The following CFAP54 variants were observed in gnomAD, a reference collection of about 807,000 sequenced individuals.
The protein encoded by CFAP54 is cilia and flagella associated protein 54, also known as cilia- and flagella-associated protein 54.
Under a neutral mutation model 370.4 loss-of-function variants are expected in CFAP54, and 290 were observed. The observed-to-expected ratio is 0.78, with a 90% CI of 0.71 to 0.86. The LOEUF (loss-of-function observed/expected upper bound fraction) is 0.86, where lower values mean the gene tolerates loss of function less well. Among genes scored for constraint, CFAP54 ranks in the 40% least tolerant of loss-of-function variants. The probability of loss-of-function intolerance (pLI) is 0.00; values close to 1 mark genes in which losing one functional copy is unlikely to be tolerated. For missense variants in CFAP54, 3,399 were observed against 3,528.7 expected, an observed-to-expected ratio of 0.96 and a Z score of 0.93; for synonymous variants, 1,206 against 1,236.5, an observed-to-expected ratio of 0.98 and a Z score of 0.52.
chr12:96,630,075 CT>C lies in CFAP54; in HGVS notation c.4104-15del, dbSNP rs1956589119. 1 of 1,328,908 alleles carries C rather than the reference CT, an allele frequency of 7.5e-7. No homozygotes were observed. The highest frequency in any genetic ancestry group is 1.0e-6 in the Non-Finnish European group (1 of 991,588). The allele number at this position is 1,328,908 out of a possible 1,614,324, so 82.3% of individuals were successfully genotyped here. Reference sequence around the variant, plus strand: ...AATTTTTGCAGGTCTTTTTGACTGACTTTATCTTTTTTATTAGGAGAAATGA... The same window carrying C: ...AATTTTTGCAGGTCTTTTTGACTGACTTATCTTTTTTATTAGGAGAAATGA... On this transcript the variant is annotated splice_polypyrimidine_tract_variant and intron_variant, in intron 30 of 67. Transcript: ENST00000524981.
chr12:96,809,396 T>C (rs767447668), intron 63 of CFAP54, among the ~76,000 whole-genome samples: 1 of 152,180 alleles, frequency 6.6e-6, no homozygotes, highest in Non-Finnish European at 1.5e-5. Flanking sequence ...TTTGGGGAGA[T>C]GGATTCAACT....
chr12:96,764,042 A>G (rs1040481335), intron 58 of CFAP54, 109 bp from the exon 59 acceptor site: 3 of 620,960 alleles, frequency 4.8e-6, no homozygotes, highest in Non-Finnish European at 8.2e-6. Flanking sequence ...GTCAATAGAT[A>G]CATTATTATC....
At chr12:96,719,055 A>G (rs528879119) in intron 49 of CFAP54, among the ~76,000 whole-genome samples, 4 of 152,160 alleles carry the variant, frequency 2.6e-5, no homozygotes, top group Non-Finnish European at 5.9e-5. Context: ...AAAAACAACA[A>G]AGAAACATGA....
At chr12:96,800,813 C>T (rs919898794) in intron 63 of CFAP54, among the ~76,000 whole-genome samples, 2 of 152,148 alleles carry the variant, frequency 1.3e-5, no homozygotes, top group Non-Finnish European at 2.9e-5. Context: ...ATAAGATAAA[C>T]GCTTTCATTA....
At chr12:96,498,474 G>A (rs1292375251) in intron 1 of CFAP54, among the ~76,000 whole-genome samples, 1 of 152,214 alleles carries the variant, frequency 6.6e-6, no homozygotes, top group Non-Finnish European at 1.5e-5. Flanking sequence ...TCAACATGGT[G>A]AAAACCCATC....
At position 96,533,853 on chromosome 12, in the gene CFAP54, G is replaced by C; in HGVS notation, c.1419G>C (p.Met473Ile). ...CAAAAACATCTCTTCTGGAACTTAT[G>C]ATAGGAAGAAAAGATGTTATTTCTG... is the stretch of plus-strand genomic sequence containing the variant. ...DFPKTSLLEL[M>I]IGRKDVISVD... The change falls in exon 10 of 68, where the codon ATG (methionine) becomes ATC (isoleucine). Residue 473 changes from methionine to isoleucine, a missense_variant. Met to Ile is a conservative substitution (Grantham distance 10). Coordinates refer to ENST00000524981, the MANE Select transcript of CFAP54 (RefSeq NM_001306084.2). 6.5e-7 allele frequency: 1 copy of C among 1,534,850 alleles called. No homozygotes were observed. Among genetic ancestry groups the C allele is most frequent in the Non-Finnish European group, 8.7e-7 (1 of 1,146,276 alleles).
intron 42 of CFAP54, among the ~76,000 whole-genome samples, chr12:96,687,407 A>G (rs1957341404): frequency 6.6e-6 from 1 of 152,210 alleles, no homozygotes; most frequent in Non-Finnish European, 1.5e-5. Context: ...ACTCACAAAT[A>G]TCTGAAGTAT....
intron 48 of CFAP54, among the ~76,000 whole-genome samples, chr12:96,710,616 G>C (rs1957600612): frequency 1.3e-5 from 2 of 151,914 alleles, no homozygotes; most frequent in Admixed American, 6.6e-5. Context: ...GGAACTGGGA[G>C]GTCAGCAAGG....
intron 66 of CFAP54, among the ~76,000 whole-genome samples, chr12:96,849,819 A>G (rs971037652): frequency 8.5e-5 from 13 of 152,184 alleles, no homozygotes; most frequent in African/African-American, 3.1e-4. Context: ...GGCAGACAAA[A>G]TCATCACCAT....
intron 66 of CFAP54, among the ~76,000 whole-genome samples, chr12:96,830,935 C>A (rs1391946107): frequency 1.3e-5 from 2 of 152,152 alleles, no homozygotes; most frequent in Admixed American, 1.3e-4. Context: ...CTTGGTTTCC[C>A]AATGTGCTGG....
chr12:96,734,111 G>A (rs1425685784), intron 50 of CFAP54, among the ~76,000 whole-genome samples: 1 of 152,094 alleles, frequency 6.6e-6, no homozygotes. Context: ...GTTAATTACA[G>A]CACCTTAGAA....
intron 63 of CFAP54, 30 bp from the exon 64 acceptor site, chr12:96,811,706 C>A: frequency 8.4e-7 from 1 of 1,193,320 alleles, no homozygotes; most frequent in Non-Finnish European, 1.1e-6. Context: ...TTTGATGTCA[C>A]ATTTTATACC....
At chr12:96,860,134 ATTT>A (rs137937553) in intron 66 of CFAP54, among the ~76,000 whole-genome samples, 36,546 of 127,858 alleles carry the variant, frequency 0.29, 5,401 homozygotes, top group South Asian at 0.49. Context: ...TTGTTCTCTA[ATTT>A]TTTTTTTTTT....
intron 9 of CFAP54, among the ~76,000 whole-genome samples, chr12:96,532,910 T>G (rs894553792): frequency 6.6e-6 from 1 of 152,140 alleles, no homozygotes; most frequent in Non-Finnish European, 1.5e-5. Context: ...CATAAGCCAC[T>G]GTGACTGGGC....
intron 45 of CFAP54, 54 bp downstream of exon 45, chr12:96,693,862 T>C: frequency 2.6e-6 from 3 of 1,152,918 alleles, no homozygotes; most frequent in Non-Finnish European, 3.8e-6. Context: ...AAGGATATTG[T>C]CATGTATTAA....
intron 67 of CFAP54, among the ~76,000 whole-genome samples, chr12:96,868,196 G>C (rs1366157527): frequency 1.3e-5 from 2 of 152,034 alleles, no homozygotes; most frequent in African/African-American, 4.8e-5. Flanking sequence ...TTTTGCACGT[G>C]CTTGTTTACA....
Position 96,866,574 on chromosome 12 carries a change from A to G in CFAP54, c.*14+5622A>G, listed in dbSNP as rs558484963. On this transcript the variant is annotated intron_variant, in intron 67 of 67. Coordinates refer to ENST00000524981, the MANE Select transcript of CFAP54 (RefSeq NM_001306084.2). ...AAACCACCCTGAACCATCCCTTTAA[A>G]TTGTACATGATGTGAAAACTGAGTA... Among the ~76,000 whole-genome samples, 9 of 152,304 alleles carry G rather than the reference A, an allele frequency of 5.9e-5. No individual in the cohort carries two copies. The East Asian group carries it at 1.2e-3, about 20-fold the overall frequency.
intron 63 of CFAP54, among the ~76,000 whole-genome samples, chr12:96,802,569 T>C (rs143733019): frequency 1.6e-4 from 25 of 152,282 alleles, no homozygotes; most frequent in South Asian, 1.0e-3. Context: ...ACCACCCATA[T>C]GACACCAGCT....
At position 96,755,666 on chromosome 12, in the gene CFAP54, C is replaced by CTTTTTTTTT. The variant is rs71758359; in HGVS notation, c.7841-781_7841-773dup. Among the ~76,000 whole-genome samples the CTTTTTTTTT allele has an allele frequency of 6.7e-3, 583 of 87,640 alleles. 17 individuals carry two copies. In the East Asian group the frequency reaches 0.081, roughly 12 times the overall value. 57.5% of individuals were successfully genotyped at this position (87,640 alleles called of 152,430 possible). On this transcript the variant is annotated intron_variant, in intron 56 of 67. Coordinates refer to ENST00000524981, the MANE Select transcript of CFAP54 (RefSeq NM_001306084.2). The stretch of plus-strand genomic sequence containing the variant: ...ATATCACATTTTCTTTTCTTTTTTC[C>CTTTTTTTTT]TTTTTTTTTTTTTTTTTTTGAGACT...
Sources: gnomAD v4.1 joint callset for allele counts (sites outside exome capture counted in the v4.1 genomes callset) on GRCh38, gnomAD v4.1.1 for gene constraint, MANE v1.5 for transcripts, NCBI Gene and HGNC (gene_info 2026-07-23, HGNC 2026-07-21) for gene names.